Variants in RAD51B observed in about 807,000 individuals in gnomAD.
RAD51B encodes DNA repair protein RAD51 homolog 2.
Under a neutral mutation model 42.2 loss-of-function variants are expected in RAD51B, and 38 were observed. The ratio of observed to expected loss-of-function variants is 0.90; its 90% CI spans 0.70 to 1.18. RAD51B has a LOEUF of 1.18. RAD51B is among the 50% of genes most tolerant of loss of function. The probability of loss-of-function intolerance (pLI) is 0.00; values close to 1 mark genes in which losing one functional copy is unlikely to be tolerated. For missense variants in RAD51B, 373 were observed against 400.7 expected (o/e 0.93, Z 0.59); for synonymous variants, 154 against 145.2 (o/e 1.06, Z -0.43).
chr14:68,315,604 C>T (rs928119950), intron 8 of RAD51B, among the ~76,000 whole-genome samples: 3 of 152,156 alleles, frequency 2.0e-5, no homozygotes, highest in African/African-American at 4.8e-5. Flanking sequence ...TCACTGCAAG[C>T]TCCACCTCCC....
chr14:68,012,316 G>C (rs1198076057), intron 7 of RAD51B, among the ~76,000 whole-genome samples: 5 of 152,040 alleles, frequency 3.3e-5, no homozygotes, highest in African/African-American at 1.2e-4. Flanking sequence ...TCTCTACCAT[G>C]GTCTGTCAGG....
At chr14:67,859,827 AT>A (rs1045386838) in intron 4 of RAD51B, among the ~76,000 whole-genome samples, 7 of 149,286 alleles carry the variant, frequency 4.7e-5, no homozygotes, top group Admixed American at 6.7e-5. Flanking sequence ...AGTTAAATGA[AT>A]TTTTTTTTTT....
At chr14:68,575,193 TACTGACTCGACAATCCTAGAGGA>T (rs1889907391) in intron 10 of RAD51B, among the ~76,000 whole-genome samples, 2 of 152,226 alleles carry the variant, frequency 1.3e-5, no homozygotes, top group African/African-American at 4.8e-5. Flanking sequence ...CTGTCAAAGA[TACTGACTCGACAATCCTAGAGGA>T]TATGGAGTTT....
intron 8 of RAD51B, among the ~76,000 whole-genome samples, chr14:68,311,207 A>G (rs564415980): frequency 8.5e-5 from 13 of 152,348 alleles, no homozygotes; most frequent in Non-Finnish European, 1.5e-4. Flanking sequence ...GAAGCAGGCA[A>G]TGGCTATTTT....
At chr14:68,356,003 A>G (rs1594716282) in intron 8 of RAD51B, among the ~76,000 whole-genome samples, 1 of 152,202 alleles carries the variant, frequency 6.6e-6, no homozygotes, top group African/African-American at 2.4e-5. Flanking sequence ...TTACATCCAG[A>G]TTTCCAAATT....
intron 10 of RAD51B, among the ~76,000 whole-genome samples, chr14:68,591,417 T>C (rs865842200): frequency 6.6e-6 from 1 of 152,222 alleles, no homozygotes; most frequent in Non-Finnish European, 1.5e-5. Context: ...AGCCACCTCA[T>C]TGGCTTTTCC....
chr14:68,072,405 G>A (rs2076767559), intron 7 of RAD51B, among the ~76,000 whole-genome samples: 2 of 151,886 alleles, frequency 1.3e-5, no homozygotes, highest in South Asian at 4.1e-4. Context: ...AGAACTTGAA[G>A]TCCACTGTTT....
At chr14:67,844,462 C>G (rs1039788213) in intron 4 of RAD51B, among the ~76,000 whole-genome samples, 1 of 151,698 alleles carries the variant, frequency 6.6e-6, no homozygotes, top group Non-Finnish European at 1.5e-5. Flanking sequence ...AAGTCTCACA[C>G]TATTATTATG....
intron 10 of RAD51B, among the ~76,000 whole-genome samples, chr14:68,573,817 T>G (rs1411622179): frequency 3.3e-5 from 5 of 152,226 alleles, no homozygotes; most frequent in Non-Finnish European, 7.3e-5. Context: ...AGGCCTTCCA[T>G]TCAGCCCGCA....
chr14:68,253,935 A>C (rs1178347243), intron 7 of RAD51B, among the ~76,000 whole-genome samples: 1 of 152,242 alleles, frequency 6.6e-6, no homozygotes, highest in African/African-American at 2.4e-5. Flanking sequence ...AAACGAGAAA[A>C]ATATGCATCA....
At chr14:68,436,579 G>T (rs1434645645) in intron 9 of RAD51B, among the ~76,000 whole-genome samples, 2 of 152,126 alleles carry the variant, frequency 1.3e-5, no homozygotes, top group East Asian at 3.8e-4. Flanking sequence ...AGTTTGATAG[G>T]AATTGTGTTG....
chr14:68,019,690 C>T (rs2075832532), intron 7 of RAD51B, among the ~76,000 whole-genome samples: 1 of 151,948 alleles, frequency 6.6e-6, no homozygotes, highest in Non-Finnish European at 1.5e-5. Flanking sequence ...GGATCCAATT[C>T]CCAGTATATG....
chr14:68,097,950 C>T (rs1472679419), intron 7 of RAD51B, among the ~76,000 whole-genome samples: 1 of 152,174 alleles, frequency 6.6e-6, no homozygotes, highest in Non-Finnish European at 1.5e-5. Context: ...TACTCCATTT[C>T]CTCCCATGTG....
chr14:67,980,584 A>G (rs1467257228), intron 7 of RAD51B, among the ~76,000 whole-genome samples: 1 of 152,228 alleles, frequency 6.6e-6, no homozygotes, highest in African/African-American at 2.4e-5. Context: ...GTCCAGAAAC[A>G]GATTCTTATG....
At chr14:68,661,714 C>A (rs1021881299) in intron 11 of RAD51B, among the ~76,000 whole-genome samples, 1 of 152,214 alleles carries the variant, frequency 6.6e-6, no homozygotes, top group Non-Finnish European at 1.5e-5. Context: ...TCCTTTGAGA[C>A]AACACGCCCT....
chr14:68,497,177 G>GA (rs1884590329), intron 10 of RAD51B: 13 of 1,396,104 alleles, frequency 9.3e-6, no homozygotes, highest in Admixed American at 2.1e-5. Context: ...ATCTTGCCAA[G>GA]AAAAATCCGC....
intron 3 of RAD51B, among the ~76,000 whole-genome samples, chr14:67,827,008 T>A (rs1365263127): frequency 1.3e-5 from 2 of 152,160 alleles, no homozygotes; most frequent in African/African-American, 4.8e-5. Flanking sequence ...TTGTTCAGAT[T>A]TAGCTTGTGA....
chr14:67,907,665 G>C (rs903399493), intron 7 of RAD51B, among the ~76,000 whole-genome samples: 1 of 152,028 alleles, frequency 6.6e-6, no homozygotes, highest in Admixed American at 6.6e-5. Context: ...CATCACTTCT[G>C]CTGTACTCTA....
chr14:67,929,823 GT>G (rs569378119), intron 7 of RAD51B, among the ~76,000 whole-genome samples: 2 of 144,994 alleles, frequency 1.4e-5, no homozygotes, highest in Non-Finnish European at 1.5e-5. Flanking sequence ...GTGTTTTTTT[GT>G]TTTTTTTAAG....
Sources: gnomAD v4.1 joint callset for allele counts (sites outside exome capture counted in the v4.1 genomes callset) on GRCh38, gnomAD v4.1.1 for gene constraint, MANE v1.5 for transcripts, NCBI Gene and HGNC (gene_info 2026-07-23, HGNC 2026-07-21) for gene names.